Variants in ADK observed in about 807,000 individuals in gnomAD.
The protein encoded by ADK is N6,N6-dimethyladenosine kinase.
A neutral mutation model predicts 44.7 loss-of-function variants in ADK; 24 were observed. The observed-to-expected ratio is 0.54, with a 90% CI of 0.39 to 0.76. ADK has a LOEUF of 0.76. ADK is among the 30% of genes least tolerant of loss of function. The pLI is 0.00. For missense variants in ADK, 321 were observed against 425.1 expected (o/e 0.76, Z 2.15); for synonymous variants, 128 against 142.6 (o/e 0.90, Z 0.73).
intron 10 of ADK, among the ~76,000 whole-genome samples, chr10:74,671,579 G>T (rs1855188226): frequency 6.6e-6 from 1 of 152,118 alleles, no homozygotes; most frequent in South Asian, 2.1e-4. Context: ...GTACTTAGCA[G>T]CCAATTTTCC....
At chr10:74,630,093 C>T (rs1162528466) in intron 9 of ADK, among the ~76,000 whole-genome samples, 1 of 151,580 alleles carries the variant, frequency 6.6e-6, no homozygotes, top group Non-Finnish European at 1.5e-5. Flanking sequence ...TCTCATTTTG[C>T]AGCAAAAAAA....
intron 8 of ADK, among the ~76,000 whole-genome samples, chr10:74,598,441 C>CTTTTTTTTTTT (rs915433699): frequency 8.9e-6 from 1 of 111,772 alleles, no homozygotes; most frequent in Non-Finnish European, 1.8e-5. Context: ...AATCTTATTC[C>CTTTTTTTTTTT]TTTTTTTTTT....
At chr10:74,326,781 A>G (rs1188697527) in intron 4 of ADK, among the ~76,000 whole-genome samples, 4 of 152,040 alleles carry the variant, frequency 2.6e-5, no homozygotes, top group African/African-American at 7.2e-5. Flanking sequence ...GGTAGATTAT[A>G]TATATTCAGA....
chr10:74,425,938 A>G (rs756718831), intron 6 of ADK, among the ~76,000 whole-genome samples: 1 of 152,166 alleles, frequency 6.6e-6, no homozygotes, highest in Non-Finnish European at 1.5e-5. Context: ...TTGTAAGTAT[A>G]ATGTATTATT....
chr10:74,661,243 A>G (rs768505274), intron 9 of ADK: 17 of 865,146 alleles, frequency 2.0e-5, no homozygotes, highest in Non-Finnish European at 1.9e-5. Flanking sequence ...CTGCTGTGTA[A>G]CAATGAATCA....
chr10:74,298,282 A>G (rs1172825885), intron 3 of ADK, among the ~76,000 whole-genome samples: 1 of 152,230 alleles, frequency 6.6e-6, no homozygotes, highest in East Asian at 1.9e-4. Flanking sequence ...CACACTGAAA[A>G]GGAGGCTGGA....
intron 7 of ADK, among the ~76,000 whole-genome samples, chr10:74,570,367 T>C (rs1394467130): frequency 6.6e-6 from 1 of 152,192 alleles, no homozygotes; most frequent in Non-Finnish European, 1.5e-5. Flanking sequence ...CCTTGGGCAA[T>C]ATGGCCATTT....
intron 7 of ADK, among the ~76,000 whole-genome samples, chr10:74,575,582 C>G (rs926409005): frequency 6.6e-6 from 1 of 152,060 alleles, no homozygotes; most frequent in Non-Finnish European, 1.5e-5. Context: ...GGCAAAAAAG[C>G]CTGGGGCATG....
At chr10:74,621,723 T>A (rs1259159653) in intron 9 of ADK, among the ~76,000 whole-genome samples, 1 of 152,206 alleles carries the variant, frequency 6.6e-6, no homozygotes, top group African/African-American at 2.4e-5. Flanking sequence ...GGGGCTTGTT[T>A]CTTGGTTTGC....
intron 2 of ADK, among the ~76,000 whole-genome samples, chr10:74,202,617 C>T (rs1387750318): frequency 1.3e-5 from 2 of 152,148 alleles, no homozygotes; most frequent in Non-Finnish European, 2.9e-5. Context: ...TACGTCTTTG[C>T]CAAAGCTTAT....
intron 6 of ADK, among the ~76,000 whole-genome samples, chr10:74,491,190 A>G (rs1259405716): frequency 1.3e-5 from 2 of 152,132 alleles, no homozygotes; most frequent in Non-Finnish European, 2.9e-5. Context: ...AGTGTCTTAT[A>G]GGTGGAAGAT....
At chr10:74,176,551 G>A (rs1242206094) in intron 1 of ADK, 2 of 1,310,964 alleles carry the variant, frequency 1.5e-6, no homozygotes, top group African/African-American at 3.1e-5. Context: ...ACGGGACGCT[G>A]TTACTAGGAC....
At chr10:74,282,497 C>T (rs1284542545) in intron 3 of ADK, among the ~76,000 whole-genome samples, 1 of 152,084 alleles carries the variant, frequency 6.6e-6, no homozygotes, top group Non-Finnish European at 1.5e-5. Context: ...TTACGAATAG[C>T]CATAAAATAT....
chr10:74,433,327 A>G (rs191754478), intron 6 of ADK, among the ~76,000 whole-genome samples: 4 of 152,370 alleles, frequency 2.6e-5, no homozygotes, highest in African/African-American at 9.6e-5. Flanking sequence ...AAGAATTACA[A>G]GTGTTCCTTT....
chr10:74,377,605 G>A (rs932877482), intron 4 of ADK, among the ~76,000 whole-genome samples: 4 of 152,136 alleles, frequency 2.6e-5, no homozygotes, highest in African/African-American at 7.2e-5. Flanking sequence ...GTCAATTGTC[G>A]TTTATCAGGA....
At chr10:74,504,363 G>A (rs1847974373) in intron 6 of ADK, among the ~76,000 whole-genome samples, 1 of 151,926 alleles carries the variant, frequency 6.6e-6, no homozygotes, top group African/African-American at 2.4e-5. Flanking sequence ...AGTAAATACA[G>A]TTAACCCTTG....
chr10:74,214,467 TGGAA>T (rs1286900187), intron 2 of ADK, among the ~76,000 whole-genome samples: 1 of 152,258 alleles, frequency 6.6e-6, no homozygotes, highest in Non-Finnish European at 1.5e-5. Context: ...ATTTAATTCT[TGGAA>T]GGCAATTTTA....
At chr10:74,282,628 CATG>C (rs1240935314) in intron 3 of ADK, among the ~76,000 whole-genome samples, 4 of 151,968 alleles carry the variant, frequency 2.6e-5, no homozygotes, top group Non-Finnish European at 5.9e-5. Flanking sequence ...TGAGAATAAC[CATG>C]ATGATGAGAA....
At chr10:74,536,126 ATTCT>A (rs1222338745) in intron 7 of ADK, among the ~76,000 whole-genome samples, 1 of 151,942 alleles carries the variant, frequency 6.6e-6, no homozygotes, top group Non-Finnish European at 1.5e-5. Context: ...TTTTTTCCAC[ATTCT>A]AAGATTAATA....
Sources: allele counts gnomAD v4.1 joint callset (sites outside exome capture counted in the v4.1 genomes callset), GRCh38; gene constraint gnomAD v4.1.1; transcripts MANE v1.5; gene names NCBI Gene and HGNC (gene_info 2026-07-23, HGNC 2026-07-21).